KCNIP2: variants seen among roughly 807,000 people sequenced by gnomAD.
KCNIP2 encodes A-type potassium channel modulatory protein KCNIP2.
A neutral mutation model predicts 39.0 loss-of-function variants in KCNIP2; 19 were observed. The observed-to-expected ratio is 0.49, with a 90% CI of 0.34 to 0.71. The LOEUF (loss-of-function observed/expected upper bound fraction) is 0.71, where lower values mean the gene tolerates loss of function less well. Among genes scored for constraint, KCNIP2 ranks in the 30% least tolerant of loss-of-function variants. The probability of loss-of-function intolerance (pLI) is 0.01; values close to 1 mark genes in which losing one functional copy is unlikely to be tolerated. For synonymous variants in KCNIP2, 111 were observed against 131.2 expected (o/e 0.85, Z 1.05); for missense variants, 261 against 346.0 (o/e 0.75, Z 1.95).
chr10:101,832,296 C>CTCTGTG (rs2066017353), intron 1 of KCNIP2, among the ~76,000 whole-genome samples: 1 of 139,976 alleles, frequency 7.1e-6, no homozygotes, highest in Non-Finnish European at 1.5e-5. Context: ...CTCAGTGTTA[C>CTCTGTG]TGTGTGTGTG....
intron 3 of KCNIP2, chr10:101,829,567 C>A: frequency 2.1e-6 from 1 of 480,928 alleles, no homozygotes. Flanking sequence ...TCCGGGCCTT[C>A]GGGGACCAAC....
chr10:101,833,793 A>C (rs1475351908), intron 1 of KCNIP2, among the ~76,000 whole-genome samples: 2 of 152,024 alleles, frequency 1.3e-5, no homozygotes, highest in Non-Finnish European at 2.9e-5. Context: ...CACACACCCC[A>C]TAAGCTACAC....
In KCNIP2 at chr10:101,828,498, AGAGGACTTCCTCCCTCTAAGG is replaced by A. The variant is rs765535056; in HGVS notation, c.419-60_419-40del. On this transcript the variant is annotated intron_variant, in intron 5 of 9. Transcript: ENST00000356640. This position sits in a 1 kb window ranked among gnomAD's most constrained non-coding sequence, Gnocchi z 6.6. ...GTGGAGAAGTTGGCTTCCACACAGG[AGAGGACTTCCTCCCTCTAAGG>A]AGCTCCCCATACCCCCCATCACCTT... 41 of 1,609,686 alleles carry A rather than the reference AGAGGACTTCCTCCCTCTAAGG, an allele frequency of 2.5e-5. No individual in the cohort carries two copies. In the East Asian group the frequency reaches 8.9e-4, roughly 35 times the overall value.
At position 101,827,306 on chromosome 10, in the gene KCNIP2, G is replaced by T; in HGVS notation, c.*47C>A. On this transcript the variant is annotated 3_prime_UTR_variant, in exon 10 of 10. Coordinates refer to ENST00000356640, the MANE Select transcript of KCNIP2 (RefSeq NM_173191.3). The stretch of plus-strand genomic sequence containing the variant: ...AAGGGTGAGGTCCGCCTGGACTAGG[G>T]TTAGAGCATGGTCCCCCCAGGAAAC... The T allele has an allele frequency of 6.4e-7, 1 of 1,566,806 alleles. No individual in the cohort carries two copies. The highest frequency in any genetic ancestry group is 8.7e-7 in the Non-Finnish European group (1 of 1,152,150).
At chr10:101,834,554 C>G (rs985835196) in intron 1 of KCNIP2, among the ~76,000 whole-genome samples, 1 of 152,102 alleles carries the variant, frequency 6.6e-6, no homozygotes, top group Non-Finnish European at 1.5e-5. Context: ...GCCTCCCAAC[C>G]ACAGCCGCCG....
chr10:101,829,128 G>C lies in KCNIP2; in HGVS notation c.295C>G (p.Gln99Glu). The change falls in exon 4 of 10, where the codon CAA (glutamine) becomes GAA (glutamate). Residue 99 changes from glutamine (Q) to glutamate (E), a missense_variant. Coordinates refer to ENST00000356640, the MANE Select transcript of KCNIP2 (RefSeq NM_173191.3). ...AACTCCTTGCGCGTGAATTTGGTTT[G>C]CTCCTGCAGCTGCTCCAGACCCTCA... ...RPEGLEQLQE[Q>E]TKFTRKELQV... 6.2e-7 allele frequency: 1 copy of C among 1,614,196 alleles called. No homozygotes were observed. The highest frequency in any genetic ancestry group is 8.5e-7 in the Non-Finnish European group (1 of 1,180,032).
At chr10:101,834,403 G>C in intron 1 of KCNIP2, 1 of 399,160 alleles carries the variant, frequency 2.5e-6, no homozygotes, top group Non-Finnish European at 4.4e-6. Flanking sequence ...ACAGGGCCCA[G>C]GTTCAGATAC....
chr10:101,829,335 C>T, intron 3 of KCNIP2, 136 bp from the exon 4 acceptor site: 1 of 1,172,668 alleles, frequency 8.5e-7, no homozygotes, highest in Non-Finnish European at 1.2e-6. Flanking sequence ...TCCCTGGGCC[C>T]CGAGCCAAGG....
chr10:101,835,778 T>A lies in KCNIP2; in HGVS notation c.74-4611A>T, dbSNP rs149778551. ...GCTGCTGGCTAACGGTGACTGAGCA[T>A]TCACTATGTACTAGATAATGCACTA... On this transcript the variant is annotated intron_variant, in intron 1 of 9. Coordinates refer to ENST00000356640, the MANE Select transcript of KCNIP2 (RefSeq NM_173191.3). 7.8e-4 allele frequency among the ~76,000 whole-genome samples: 119 copies of A among 152,242 alleles called. No individual in the cohort carries two copies. In the East Asian group the frequency reaches 0.021, roughly 27 times the overall value.
chr10:101,839,824 CG>C (rs1564674044), intron 1 of KCNIP2: 1 of 1,609,288 alleles, frequency 6.2e-7, no homozygotes, highest in Non-Finnish European at 8.5e-7. Flanking sequence ...CCGGCACCTG[CG>C]GGGGCATCGG....
chr10:101,836,545 C>A (rs1290893767), intron 1 of KCNIP2, among the ~76,000 whole-genome samples: 1 of 152,138 alleles, frequency 6.6e-6, no homozygotes, highest in Non-Finnish European at 1.5e-5. Flanking sequence ...CTCAAATAGG[C>A]TTGGTCTGTT....
chr10:101,832,068 C>T (rs76393635), intron 1 of KCNIP2, among the ~76,000 whole-genome samples: 1,565 of 152,340 alleles, frequency 0.01, 10 homozygotes, highest in Non-Finnish European at 0.015. Flanking sequence ...TCAGCTAACT[C>T]ATCTACCCTA....
At chr10:101,827,860 G>C in intron 8 of KCNIP2, 29 bp downstream of exon 8, 1 of 1,577,906 alleles carries the variant, frequency 6.3e-7, no homozygotes, top group South Asian at 1.1e-5. Flanking sequence ...TTCACTCCAG[G>C]GCCCTCCAGC....
chr10:101,831,095 TG>T lies in KCNIP2; in HGVS notation c.145del (p.Gln49LysfsTer10), dbSNP rs2065976628. 1.2e-6 allele frequency: 2 copies of T among 1,613,666 alleles called. No homozygotes were observed. The highest frequency in any genetic ancestry group is 2.2e-5 in the South Asian group (2 of 91,062). On this transcript the variant is annotated frameshift_variant, in exon 2 of 10. Coordinates refer to ENST00000356640, the MANE Select transcript of KCNIP2 (RefSeq NM_173191.3). LOFTEE classifies it high-confidence loss of function. The part of the protein sequence containing the change: ...FLKLLPCCGP[Q>X]ALPSVSETLA... Reference sequence around the variant, plus strand: ...GCTTTCACTGACTGAGGGCAGGGCTTGGGGCCCGCAGCACGGCAGCAGCTTG... The same window carrying T: ...GCTTTCACTGACTGAGGGCAGGGCTTGGGCCCGCAGCACGGCAGCAGCTTG...
chr10:101,828,472 T>G lies in KCNIP2; in HGVS notation c.419-13A>C, dbSNP rs2065826415. 6.2e-7 allele frequency: 1 copy of G among 1,613,410 alleles called. No homozygotes were observed. On this transcript the variant is annotated splice_polypyrimidine_tract_variant and intron_variant, in intron 5 of 9. Transcript: ENST00000356640. The surrounding 1 kb of genome is among the most constrained non-coding windows in gnomAD (Gnocchi z 6.6). ...TAGGTGCTGGAGTCTGCAGGGTGAG[T>G]GTGGAGAAGTTGGCTTCCACACAGG...
At position 101,830,943 on chromosome 10, in the gene KCNIP2, G is replaced by T; in HGVS notation, c.169+129C>A. On this transcript the variant is annotated intron_variant, in intron 2 of 9. Transcript: ENST00000356640. ...CCCCACACACGCAGGCCTGGGGCAC[G>T]CCCCCCCACACATGCAGGCCTGGAG... The T allele has an allele frequency of 1.1e-5, 9 of 848,380 alleles. No individual in the cohort carries two copies. In the South Asian group the frequency reaches 1.2e-4, roughly 11 times the overall value. The allele number at this position is 848,380 out of a possible 1,614,324, so 52.6% of individuals were successfully genotyped here.
rs2065742467 is a variant in KCNIP2 at position 101,826,087 on chromosome 10, G to C, written c.*1266C>G. The C allele has an allele frequency of 6.6e-6, 1 of 152,642 alleles. No individual in the cohort carries two copies. Among genetic ancestry groups the C allele is most frequent in the South Asian group, 2.1e-4 (1 of 4,828 alleles). The allele number at this position is 152,642 out of a possible 1,614,324, so 9.5% of individuals were successfully genotyped here. The stretch of plus-strand genomic sequence containing the variant: ...CTTCTGATGGGGAAGGGGGCTCTCT[G>C]GGGGCTCTCCCCTCAGATTCTGGCC... On this transcript the variant is annotated 3_prime_UTR_variant, in exon 10 of 10. Transcript: ENST00000356640.
intron 1 of KCNIP2, among the ~76,000 whole-genome samples, chr10:101,837,754 G>A (rs137949317): frequency 1.4e-3 from 208 of 152,244 alleles, no homozygotes; most frequent in African/African-American, 4.8e-3. Context: ...CAATATGTGC[G>A]GGGTGTCAAG....
In KCNIP2 at chr10:101,843,408, T is replaced by TGCGG; in HGVS notation, c.73+84_73+87dup. On this transcript the variant is annotated intron_variant, in intron 1 of 9. Coordinates refer to ENST00000356640, the MANE Select transcript of KCNIP2 (RefSeq NM_173191.3). This position sits in a 1 kb window ranked among gnomAD's most constrained non-coding sequence, Gnocchi z 6.7. ...GCCTGGGAATGGGGCAGAGTGTGGG[T>TGCGG]GCGGGCCAGGCCGGGGTCGGAGAGG... 1.2e-6 allele frequency: 1 copy of TGCGG among 831,530 alleles called. No individual in the cohort carries two copies. The highest frequency in any genetic ancestry group is 3.5e-5 in the Admixed American group (1 of 28,484). 51.5% of individuals were successfully genotyped at this position (831,530 alleles called of 1,614,324 possible).
Sources: gnomAD v4.1 joint callset for allele counts (sites outside exome capture counted in the v4.1 genomes callset) on GRCh38, gnomAD v4.1.1 for gene constraint, Gnocchi (gnomAD v3.1) non-coding constraint, MANE v1.5 for transcripts, NCBI Gene and HGNC (gene_info 2026-07-23, HGNC 2026-07-21) for gene names.